Variants in MAML1 observed in about 807,000 individuals in gnomAD.
The protein encoded by MAML1 is mastermind like transcriptional coactivator 1.
MAML1 carries 14 observed loss-of-function variants against 77.1 expected under a neutral mutation model. That is an observed-to-expected ratio of 0.18 (90% CI 0.12 to 0.28). The LOEUF (loss-of-function observed/expected upper bound fraction) is 0.28. Ranked by LOEUF, MAML1 falls within the 10% of genes least tolerant of loss-of-function variation. The pLI is 1.00. For missense variants in MAML1, 1,217 were observed against 1,327.8 expected (o/e 0.92, Z 1.30); for synonymous variants, 516 against 551.9 (o/e 0.93, Z 0.91).
chr5:179,765,867 C>T lies in MAML1; in HGVS notation c.857C>T (p.Ser286Phe). ...AAGAAGGACCCAGAGTCTTCTGGCTCTGCCACACAAACCCCCTTGGCACAG... is the reference window on the plus strand; with the variant it reads ...AAGAAGGACCCAGAGTCTTCTGGCTTTGCCACACAAACCCCCTTGGCACAG... Reference protein sequence around the residue: ...EEKKDPESSGSATQTPLAQDI... With the variant: ...EEKKDPESSGFATQTPLAQDI... Residue 286 changes from serine to phenylalanine, a missense_variant, in exon 2 of 5, where the codon TCT (serine) becomes TTT (phenylalanine). Coordinates refer to ENST00000292599, the MANE Select transcript of MAML1 (RefSeq NM_014757.5). 6.2e-7 allele frequency: 1 copy of T among 1,614,170 alleles called. No homozygotes were observed. Among genetic ancestry groups the T allele is most frequent in the South Asian group, 1.1e-5 (1 of 91,084 alleles).
At position 179,736,363 on chromosome 5, in the gene MAML1, C is replaced by T. The variant is rs182426583; in HGVS notation, c.315+2936C>T. On this transcript the variant is annotated intron_variant, in intron 1 of 4. Transcript: ENST00000292599. ...CGCCTCCCAGGTTCAAGCAATTCCC[C>T]TGCCTCAGCCCCCCAAGTAGCTGGG... 1.4e-3 allele frequency among the ~76,000 whole-genome samples: 206 copies of T among 152,254 alleles called. 2 individuals are homozygous for T. The highest frequency in any genetic ancestry group is 4.8e-3 in the African/African-American group (198 of 41,556).
chr5:179,776,413 C>G lies in MAML1; in HGVS notation c.*1536C>G. 1.0e-6 allele frequency: 1 copy of G among 985,840 alleles called. No homozygotes were observed. The highest frequency in any genetic ancestry group is 1.2e-6 in the Non-Finnish European group (1 of 829,932). The allele number at this position is 985,840 out of a possible 1,614,324, so 61.1% of individuals were successfully genotyped here. On this transcript the variant is annotated 3_prime_UTR_variant, in exon 5 of 5. Transcript: ENST00000292599. Reference sequence around the variant, plus strand: ...GGTAGTTATTTTGCACCAGCAGTGCCTTTCTCACTGGGGGTACTTGGACCC... The same window carrying G: ...GGTAGTTATTTTGCACCAGCAGTGCGTTTCTCACTGGGGGTACTTGGACCC...
intron 2 of MAML1, 112 bp from the exon 3 acceptor site, chr5:179,768,738 G>C (rs1168895737): frequency 7.3e-7 from 1 of 1,369,046 alleles, no homozygotes; most frequent in African/African-American, 1.4e-5. Flanking sequence ...TTCGAGGTCA[G>C]AAGGGAAGCA....
chr5:179,745,859 C>CAAAAAA (rs36036714), intron 1 of MAML1, among the ~76,000 whole-genome samples: 8 of 63,462 alleles, frequency 1.3e-4, no homozygotes, highest in Non-Finnish European at 2.1e-4. Context: ...AACTCCGTCT[C>CAAAAAA]AAAAAAAAAA....
intron 1 of MAML1, among the ~76,000 whole-genome samples, chr5:179,760,808 C>G (rs1779709571): frequency 6.6e-6 from 1 of 152,130 alleles, no homozygotes; most frequent in Admixed American, 6.5e-5. Context: ...AAGATGGAAG[C>G]AGGCCGGGCG....
rs1469195344 is a variant in MAML1, at chr5:179,732,912, G to C, written c.-201G>C. ...GCGGTGGGGAGAGGCCGAGGCTTGA[G>C]GTAGGCAGCAAGCGCCGGCTGGGGG... On this transcript the variant is annotated 5_prime_UTR_variant, in exon 1 of 5. Transcript: ENST00000292599. 4 of 285,884 alleles carry C rather than the reference G, an allele frequency of 1.4e-5. No individual in the cohort carries two copies. Among genetic ancestry groups the C allele is most frequent in the African/African-American group, 2.2e-5 (1 of 44,864 alleles). The allele number at this position is 285,884 out of a possible 1,614,324, so 17.7% of individuals were successfully genotyped here. A position where few individuals can be genotyped will look rare whatever the true frequency, so the allele number is the denominator to read the frequency against.
intron 1 of MAML1, among the ~76,000 whole-genome samples, chr5:179,751,544 A>C (rs1358791509): frequency 6.6e-6 from 1 of 152,080 alleles, no homozygotes; most frequent in African/African-American, 2.4e-5. Context: ...GTCTCTACTA[A>C]AAATACAAAA....
intron 4 of MAML1, among the ~76,000 whole-genome samples, chr5:179,772,498 C>T (rs1756022054): frequency 6.6e-6 from 1 of 152,162 alleles, no homozygotes; most frequent in African/African-American, 2.4e-5. Context: ...CAATGACTCT[C>T]CTACCCACAA....
In MAML1 at chr5:179,765,494, G is replaced by C; in HGVS notation, c.484G>C (p.Gly162Arg). ...SNGLPPASPLGQSDKPSGADA... is the reference protein window; with the variant it reads ...SNGLPPASPLRQSDKPSGADA... Reference sequence around the variant, plus strand: ...TGGACTGCCTCCAGCCTCCCCCCTCGGTCAGTCTGACAAGCCTTCTGGAGC... The same window carrying C: ...TGGACTGCCTCCAGCCTCCCCCCTCCGTCAGTCTGACAAGCCTTCTGGAGC... Residue 162 changes from glycine (G) to arginine (R), a missense_variant, in exon 2 of 5, where the codon GGT becomes CGT. Physicochemically the swap from Gly to Arg is moderately radical, Grantham distance 125 (BLOSUM62 -2). This residue lies in a region of MAML1 where 312 missense variants were observed against 331.4 expected (regional missense o/e 0.94). Coordinates refer to ENST00000292599, the MANE Select transcript of MAML1 (RefSeq NM_014757.5). The C allele has an allele frequency of 2.5e-6, 4 of 1,614,042 alleles. No individual in the cohort carries two copies. Among genetic ancestry groups the C allele is most frequent in the Non-Finnish European group, 1.7e-6 (2 of 1,180,004 alleles).
rs769816363 is a variant in MAML1 at position 179,766,166 on chromosome 5, G to A, written c.1156G>A (p.Gly386Ser). Reference protein sequence around the residue: ...ALAGVVLPSQGPGGASELSSA... With the variant: ...ALAGVVLPSQSPGGASELSSA... ...TGCAGGTGTGGTATTGCCCAGTCAG[G>A]GCCCAGGAGGGGCCTCAGAGCTGTC... The change falls in exon 2 of 5, where the codon GGC (glycine) becomes AGC (serine). Residue 386 changes from glycine (G) to serine (S), a missense_variant. By Grantham distance (56) the Gly-to-Ser change is moderately conservative (BLOSUM62 0). This residue lies in a region of MAML1 where 884 missense variants were observed against 949.3 expected (regional missense o/e 0.93). Coordinates refer to ENST00000292599, the MANE Select transcript of MAML1 (RefSeq NM_014757.5). This position sits in a 1 kb window ranked among gnomAD's most constrained non-coding sequence, Gnocchi z 4.0. 6.3e-7 allele frequency: 1 copy of A among 1,585,604 alleles called. No homozygotes were observed. Among genetic ancestry groups the A allele is most frequent in the South Asian group, 1.1e-5 (1 of 87,064 alleles).
chr5:179,732,876 A>G lies in MAML1; in HGVS notation c.-237A>G, dbSNP rs1474136188. The G allele has an allele frequency of 2.3e-5, 6 of 257,652 alleles. No individual in the cohort carries two copies. Among genetic ancestry groups the G allele is most frequent in the African/African-American group, 1.1e-4 (5 of 44,194 alleles). 16.0% of individuals were successfully genotyped at this position (257,652 alleles called of 1,614,324 possible). A position where few individuals can be genotyped will look rare whatever the true frequency, so the allele number is the denominator to read the frequency against. ...GGCCGCGGCGGTAGCGCGGAAAACA[A>G]TGGGGCCGGGGCGGTGGGGAGAGGC... On this transcript the variant is annotated 5_prime_UTR_variant, in exon 1 of 5. It removes an upstream start codon present in the reference 5' UTR. Transcript: ENST00000292599.
chr5:179,737,872 C>CCCAGTGGCGCGA (rs1351445962), intron 1 of MAML1, among the ~76,000 whole-genome samples: 2 of 93,346 alleles, frequency 2.1e-5, no homozygotes. Context: ...TCGTGGGGCA[C>CCCAGTGGCGCGA]TACAGCCTTG....
At chr5:179,735,037 G>T (rs545929634) in intron 1 of MAML1, among the ~76,000 whole-genome samples, 2 of 152,138 alleles carry the variant, frequency 1.3e-5, no homozygotes, top group Non-Finnish European at 2.9e-5. Context: ...ACAGTATTTC[G>T]GGGGAAGGGA....
Position 179,774,394 on chromosome 5 carries a change from C to T in MAML1, c.2568C>T (p.Asn856=), listed in dbSNP as rs556618612. ...NLSGQTPGNS[N]VSPFTAASSF... is the part of the protein sequence containing the mutation. ...GTGGCCAGACCCCAGGGAACAGCAA[C>T]GTGAGTCCCTTCACTGCAGCCTCCA... The change falls in exon 5 of 5, where the codon AAC becomes AAT. Residue 856 remains asparagine (N), a synonymous_variant. Coordinates refer to ENST00000292599, the MANE Select transcript of MAML1 (RefSeq NM_014757.5). The T allele has an allele frequency of 9.3e-6, 15 of 1,613,174 alleles. No homozygotes were observed. In the East Asian group the frequency reaches 1.6e-4, roughly 17 times the overall value.
chr5:179,747,522 G>A (rs1779403353), intron 1 of MAML1, among the ~76,000 whole-genome samples: 1 of 152,156 alleles, frequency 6.6e-6, no homozygotes, highest in African/African-American at 2.4e-5. Context: ...TAAAAAGGAA[G>A]GAAATAGGCT....
intron 1 of MAML1, among the ~76,000 whole-genome samples, chr5:179,738,010 C>T (rs1263914648): frequency 4.6e-5 from 7 of 151,972 alleles, no homozygotes; most frequent in Non-Finnish European, 1.0e-4. Context: ...CTTGCCTGGC[C>T]GAAAGTTGAT....
In MAML1 at chr5:179,769,292, G is replaced by C. The variant is rs888297415; in HGVS notation, c.1971+203G>C. 1.3e-5 allele frequency among the ~76,000 whole-genome samples: 2 copies of C among 152,142 alleles called. No individual in the cohort carries two copies. Among genetic ancestry groups the C allele is most frequent in the Admixed American group, 1.3e-4 (2 of 15,264 alleles). On this transcript the variant is annotated intron_variant, in intron 3 of 4. Transcript: ENST00000292599. The surrounding 1 kb of genome is among the most constrained non-coding windows in gnomAD (Gnocchi z 4.2). ...GTAGTCTTGTCAGAAGCTGCTTCGT[G>C]TCACTTAGTGGAGAGTACTCAAGGC...
chr5:179,743,158 T>C (rs867235971), intron 1 of MAML1, among the ~76,000 whole-genome samples: 2 of 151,260 alleles, frequency 1.3e-5, no homozygotes, highest in African/African-American at 2.4e-5. Flanking sequence ...GTTCAAGTGA[T>C]TCCCCTGCCT....
intron 1 of MAML1, among the ~76,000 whole-genome samples, chr5:179,735,619 G>A (rs888369543): frequency 2.6e-5 from 4 of 151,970 alleles, no homozygotes; most frequent in African/African-American, 9.7e-5. Flanking sequence ...TCGAACTCCT[G>A]ACCTCAGATA....
Sources: gnomAD v4.1 joint callset for allele counts (sites outside exome capture counted in the v4.1 genomes callset) on GRCh38, gnomAD v4.1.1 for gene constraint, gnomAD v4.1.1 regional missense constraint, Gnocchi (gnomAD v3.1) non-coding constraint, MANE v1.5 for transcripts, NCBI Gene and HGNC (gene_info 2026-07-23, HGNC 2026-07-21) for gene names.